BTRC: variants seen among roughly 807,000 people sequenced by gnomAD.
BTRC encodes beta-transducin repeat containing E3 ubiquitin protein ligase.
A neutral mutation model predicts 85.5 loss-of-function variants in BTRC; 42 were observed. That is an observed-to-expected ratio of 0.49 (90% CI 0.38 to 0.64). The LOEUF (loss-of-function observed/expected upper bound fraction) is 0.64, where lower values mean the gene tolerates loss of function less well. Among genes scored for constraint, BTRC ranks in the 30% least tolerant of loss-of-function variants. The pLI is 0.00. For synonymous variants in BTRC, 255 were observed against 263.3 expected (o/e 0.97, Z 0.30); for missense variants, 594 against 743.5 (o/e 0.80, Z 2.34).
intron 1 of BTRC, among the ~76,000 whole-genome samples, chr10:101,389,122 T>TTTTTTG: frequency 1.4e-5 from 1 of 73,100 alleles, no homozygotes; most frequent in African/African-American, 1.1e-4. Context: ...TGTGTGTGTT[T>TTTTTTG]TTTTTTTTTT....
chr10:101,438,422 CAAAAAAAAAAAAAAAAA>C (rs34955428), intron 2 of BTRC, among the ~76,000 whole-genome samples: 599 of 57,784 alleles, frequency 0.01, 12 homozygotes, highest in African/African-American at 0.044. Context: ...GAGACTGCCT[CAAAAAAAAAAAAAAAAA>C]AAAAAAAAAA....
At chr10:101,408,141 A>G (rs1943679287) in intron 1 of BTRC, among the ~76,000 whole-genome samples, 2 of 152,248 alleles carry the variant, frequency 1.3e-5, no homozygotes. Context: ...AATTTGGACT[A>G]GCCACCATTC....
chr10:101,433,236 T>A (rs1200443636), intron 2 of BTRC, among the ~76,000 whole-genome samples: 1 of 152,222 alleles, frequency 6.6e-6, no homozygotes, highest in Non-Finnish European at 1.5e-5. Context: ...TGTTGAATAC[T>A]TTACATACAT....
chr10:101,437,564 G>T (rs574446837), intron 2 of BTRC, among the ~76,000 whole-genome samples: 1 of 152,300 alleles, frequency 6.6e-6, no homozygotes, highest in Admixed American at 6.5e-5. Context: ...TGTCCTCCCA[G>T]AGATTACCGT....
intron 1 of BTRC, among the ~76,000 whole-genome samples, chr10:101,413,893 GT>G (rs1445923651): frequency 3.3e-5 from 5 of 151,674 alleles, no homozygotes; most frequent in African/African-American, 1.2e-4. Flanking sequence ...TTTTTAATCT[GT>G]TTTGTTGAAT....
At chr10:101,467,042 C>T (rs1049559436) in intron 3 of BTRC, among the ~76,000 whole-genome samples, 1 of 152,080 alleles carries the variant, frequency 6.6e-6, no homozygotes, top group Non-Finnish European at 1.5e-5. Context: ...ATTAACAAAA[C>T]AACCACAACA....
intron 2 of BTRC, among the ~76,000 whole-genome samples, chr10:101,430,957 C>A (rs1944386631): frequency 6.6e-6 from 1 of 150,454 alleles, no homozygotes; most frequent in Non-Finnish European, 1.5e-5. Context: ...TCTTGATTAA[C>A]ATTTCTAATT....
intron 1 of BTRC, among the ~76,000 whole-genome samples, chr10:101,428,469 T>C (rs764790681): frequency 1.4e-4 from 22 of 152,328 alleles, no homozygotes; most frequent in Admixed American, 3.3e-4. Flanking sequence ...GTTCAGAGAT[T>C]GTTGGAGTAA....
At chr10:101,407,513 A>C (rs1024174286) in intron 1 of BTRC, among the ~76,000 whole-genome samples, 1 of 151,966 alleles carries the variant, frequency 6.6e-6, no homozygotes, top group African/African-American at 2.4e-5. Context: ...TCTGGCTTCA[A>C]GTGATTCTCG....
At chr10:101,469,299 A>G (rs1407539348) in intron 3 of BTRC, among the ~76,000 whole-genome samples, 1 of 152,222 alleles carries the variant, frequency 6.6e-6, no homozygotes, top group African/African-American at 2.4e-5. Flanking sequence ...GACAAATTTT[A>G]GTTTATTGAT....
intron 1 of BTRC, among the ~76,000 whole-genome samples, chr10:101,367,134 G>A (rs1376696302): frequency 4.4e-5 from 6 of 137,704 alleles, no homozygotes; most frequent in Admixed American, 1.7e-4. Flanking sequence ...GCAGTGGCGC[G>A]ATCTTGGCTC....
Position 101,535,334 on chromosome 10 carries a change from A to G in BTRC, c.1348-20A>G. 3 of 1,583,400 alleles carry G rather than the reference A, an allele frequency of 1.9e-6. No homozygotes were observed. The highest frequency in any genetic ancestry group is 2.6e-6 in the Non-Finnish European group (3 of 1,153,636). On this transcript the variant is annotated intron_variant, in intron 10 of 14. Transcript: ENST00000370187. ...AATAAAAGCACCAAATCAACTGCTC[A>G]ATGCCATTTTCTTTTTCAGGTATGG...
intron 2 of BTRC, among the ~76,000 whole-genome samples, chr10:101,456,018 A>ACACACACACACAC (rs60361192): frequency 2.9e-4 from 43 of 150,190 alleles, no homozygotes; most frequent in South Asian, 1.1e-3. Context: ...ACACACACAC[A>ACACACACACACAC]AAATTAGCTG....
chr10:101,436,244 G>T (rs969556094), intron 2 of BTRC, among the ~76,000 whole-genome samples: 1 of 152,160 alleles, frequency 6.6e-6, no homozygotes, highest in African/African-American at 2.4e-5. Context: ...AATATTAAAT[G>T]AGAATGAGCA....
intron 1 of BTRC, among the ~76,000 whole-genome samples, chr10:101,418,070 T>C (rs1943994129): frequency 6.6e-6 from 1 of 152,050 alleles, no homozygotes; most frequent in African/African-American, 2.4e-5. Flanking sequence ...TGGCTTATAA[T>C]AACACATACA....
chr10:101,371,546 C>CT (rs1942636191), intron 1 of BTRC, among the ~76,000 whole-genome samples: 1 of 152,152 alleles, frequency 6.6e-6, no homozygotes, highest in African/African-American at 2.4e-5. Context: ...CAGTGTTTGC[C>CT]TTTTTGTGAC....
intron 4 of BTRC, among the ~76,000 whole-genome samples, chr10:101,505,175 A>G (rs1223450592): frequency 7.1e-6 from 1 of 141,202 alleles, no homozygotes; most frequent in South Asian, 2.3e-4. Flanking sequence ...ATATATATAT[A>G]TATTTTTTAG....
intron 5 of BTRC, 93 bp from the exon 6 acceptor site, chr10:101,525,920 G>C (rs1306841671): frequency 7.8e-7 from 1 of 1,278,226 alleles, no homozygotes; most frequent in African/African-American, 1.5e-5. Context: ...CTTCATAGCA[G>C]AACAAATGCT....
At chr10:101,516,059 C>T (rs2062019676) in intron 4 of BTRC, among the ~76,000 whole-genome samples, 2 of 151,796 alleles carry the variant, frequency 1.3e-5, no homozygotes, top group African/African-American at 2.4e-5. Flanking sequence ...TAAGATTAAG[C>T]ATTTCTATTT....
Sources: allele counts gnomAD v4.1 joint callset (sites outside exome capture counted in the v4.1 genomes callset), GRCh38; gene constraint gnomAD v4.1.1; transcripts MANE v1.5; gene names NCBI Gene and HGNC (gene_info 2026-07-23, HGNC 2026-07-21).